The following COL4A4 variants were observed in gnomAD, a reference collection of about 807,000 sequenced individuals.
The protein encoded by COL4A4 is collagen alpha-4(IV) chain.
Under a neutral mutation model 192.9 loss-of-function variants are expected in COL4A4, and 105 were observed. That is an observed-to-expected ratio of 0.54 (90% CI 0.46 to 0.64). The LOEUF (loss-of-function observed/expected upper bound fraction) is 0.64. COL4A4 is among the 30% of genes least tolerant of loss of function. The pLI is 0.00. For missense variants in COL4A4, 1,967 were observed against 2,169.3 expected (o/e 0.91, Z 1.85); for synonymous variants, 762 against 769.9 (o/e 0.99, Z 0.17).
At chr2:227,102,710 G>T in intron 15 of COL4A4, 79 bp downstream of exon 15, 2 of 1,204,530 alleles carry the variant, frequency 1.7e-6, no homozygotes, top group South Asian at 1.2e-5. Flanking sequence ...GAGCTTGTGG[G>T]ACTACTGACC....
chr2:227,090,622 C>T lies in COL4A4; in HGVS notation c.1370-665G>A, dbSNP rs375718600. ...CAAAAATTAGCCAGCCACGGTGGTG[C>T]GTGCCTGTAATCCCCGCTACTTGAG... is the stretch of plus-strand genomic sequence containing the variant. On this transcript the variant is annotated intron_variant, in intron 20 of 47. Transcript: ENST00000396625. Among the ~76,000 whole-genome samples, 64 of 151,646 alleles carry T rather than the reference C, an allele frequency of 4.2e-4. No individual in the cohort carries two copies. The South Asian group carries it at 0.013, about 30-fold the overall frequency.
intron 19 of COL4A4, among the ~76,000 whole-genome samples, chr2:227,096,967 C>T (rs1414383480): frequency 1.3e-5 from 2 of 152,072 alleles, no homozygotes; most frequent in Non-Finnish European, 2.9e-5. Context: ...ACAATAATAT[C>T]TATCATATCT....
At chr2:227,114,752 ATT>A (rs1159439022) in intron 7 of COL4A4, 56 bp from the exon 8 acceptor site, 1 of 1,357,534 alleles carries the variant, frequency 7.4e-7, no homozygotes, top group African/African-American at 1.4e-5. Context: ...CCATTTCAGT[ATT>A]TTCTTTTCTA....
chr2:227,007,611 T>C (rs778776183), intron 47 of COL4A4, 23 bp from the exon 48 acceptor site: 6 of 1,612,114 alleles, frequency 3.7e-6, no homozygotes, highest in Non-Finnish European at 5.1e-6. Flanking sequence ...CAAGAGAGAA[T>C]TAGGGCTCAG....
chr2:227,023,279 TAAA>T (rs797020507), intron 43 of COL4A4, among the ~76,000 whole-genome samples: 1 of 137,272 alleles, frequency 7.3e-6, no homozygotes. Flanking sequence ...CATCTCTACT[TAAA>T]AAAAAAAAAA....
At chr2:227,014,832 A>G (rs1964530262) in intron 44 of COL4A4, among the ~76,000 whole-genome samples, 1 of 151,336 alleles carries the variant, frequency 6.6e-6, no homozygotes, top group African/African-American at 2.4e-5. Context: ...GCCTCCTGCA[A>G]GGGCTAAAGG....
At chr2:227,159,935 CCACAT>C (rs1246684651) in intron 1 of COL4A4, among the ~76,000 whole-genome samples, 1 of 152,178 alleles carries the variant, frequency 6.6e-6, no homozygotes, top group Non-Finnish European at 1.5e-5. Flanking sequence ...CAACAAATCA[CCACAT>C]ATTATTTCTG....
At chr2:227,107,348 A>G (rs552415207) in intron 12 of COL4A4, among the ~76,000 whole-genome samples, 242 of 152,318 alleles carry the variant, frequency 1.6e-3, no homozygotes, top group Non-Finnish European at 2.8e-3. Flanking sequence ...AGCCTCCACA[A>G]CAATGAAATA....
chr2:227,097,332 C>T (rs2060256646), intron 19 of COL4A4, among the ~76,000 whole-genome samples: 1 of 151,982 alleles, frequency 6.6e-6, no homozygotes. Flanking sequence ...GTGTCACATA[C>T]CGAAAATGTA....
intron 21 of COL4A4, among the ~76,000 whole-genome samples, chr2:227,089,610 C>CATATATATAT (rs1488061427): frequency 2.7e-5 from 3 of 112,046 alleles, no homozygotes; most frequent in African/African-American, 4.0e-5. Context: ...TATATATATA[C>CATATATATAT]ATACATATAT....
At chr2:226,974,824 G>A in the COL4A4 span, among the ~76,000 whole-genome samples, 7,665 of 152,202 alleles carry the variant, frequency 0.05, 304 homozygotes, top group Non-Finnish European at 0.071. Flanking sequence ...CGGTGTCATC[G>A]TATAATTGGA....
intron 41 of COL4A4, 53 bp downstream of exon 41, chr2:227,030,390 A>G (rs1415946160): frequency 6.3e-7 from 1 of 1,588,038 alleles, no homozygotes; most frequent in Non-Finnish European, 8.6e-7. Flanking sequence ...CAGACCCTCA[A>G]GGGTAAGATA....
chr2:227,159,418 G>A (rs1468783915), intron 1 of COL4A4, among the ~76,000 whole-genome samples: 2 of 152,330 alleles, frequency 1.3e-5, no homozygotes, highest in East Asian at 3.9e-4. Context: ...TAGGGTGGAT[G>A]CATCGGCAAA....
chr2:227,163,507 T>A (rs184119909), intron 1 of COL4A4, among the ~76,000 whole-genome samples: 6 of 152,264 alleles, frequency 3.9e-5, no homozygotes, highest in African/African-American at 1.2e-4. Context: ...ACAACATTCT[T>A]CTGAGAAACA....
intron 38 of COL4A4, 145 bp from the exon 39 acceptor site, chr2:227,032,421 G>T (rs1458537730): frequency 2.3e-6 from 2 of 854,562 alleles, no homozygotes; most frequent in Non-Finnish European, 3.8e-6. Flanking sequence ...TGATCCAAAT[G>T]TCTGCACCAT....
intron 2 of COL4A4, among the ~76,000 whole-genome samples, chr2:227,145,222 C>T (rs1228700930): frequency 3.9e-5 from 6 of 152,014 alleles, no homozygotes; most frequent in Non-Finnish European, 7.4e-5. Context: ...CCGAGGTGGG[C>T]GGATCACCTG....
At chr2:227,060,917 C>A (rs908760049) in intron 26 of COL4A4, among the ~76,000 whole-genome samples, 4 of 151,976 alleles carry the variant, frequency 2.6e-5, no homozygotes, top group African/African-American at 9.7e-5. Flanking sequence ...TTAGTAGAGA[C>A]AGGGTTTCAC....
the COL4A4 span, among the ~76,000 whole-genome samples, chr2:226,993,238 A>T: frequency 6.6e-6 from 1 of 152,182 alleles, no homozygotes; most frequent in East Asian, 1.9e-4. Context: ...ACACCAGAGG[A>T]CTCTGTGTTT....
chr2:227,057,516 G>T lies in COL4A4; in HGVS notation c.2468C>A (p.Pro823Gln), dbSNP rs1975741274. 6.2e-7 allele frequency: 1 copy of T among 1,613,756 alleles called. No homozygotes were observed. Among genetic ancestry groups the T allele is most frequent in the Non-Finnish European group, 8.5e-7 (1 of 1,179,908 alleles). ...ACCTCTTTCACAGGAATGGCCAGGT[G>T]GACCTGGGACACCTGGAAACCCAGC... ...GHAGFPGVPG[P>Q]PGHSCERGAP... The change falls in exon 29 of 48, where the codon CCA becomes CAA. Residue 823 changes from proline to glutamine, a missense_variant. Pro to Gln is a moderately conservative substitution (Grantham distance 76). Transcript: ENST00000396625.
Sources: allele counts gnomAD v4.1 joint callset (sites outside exome capture counted in the v4.1 genomes callset), GRCh38; gene constraint gnomAD v4.1.1; transcripts MANE v1.5; gene names NCBI Gene and HGNC (gene_info 2026-07-23, HGNC 2026-07-21).